The following SLC38A12 variants were observed in gnomAD, a reference collection of about 807,000 sequenced individuals.
SLC38A12 encodes the protein solute carrier family 38 member 12.
the SLC38A12 span, among the ~76,000 whole-genome samples, chr17:74,814,220 G>A: frequency 6.6e-6 from 1 of 152,156 alleles, no homozygotes; most frequent in African/African-American, 2.4e-5. Context: ...TGGAGATGCT[G>A]GTGATGGCGG....
the SLC38A12 span, among the ~76,000 whole-genome samples, chr17:74,803,283 C>A: frequency 6.6e-6 from 1 of 152,182 alleles, no homozygotes; most frequent in African/African-American, 2.4e-5. Context: ...CCCCAAAGCC[C>A]GGTTGATGTT....
the SLC38A12 span, chr17:74,836,862 T>TGCACC: frequency 7.1e-7 from 1 of 1,406,370 alleles, no homozygotes; most frequent in South Asian, 1.7e-5. This position sits in a 1 kb window ranked among gnomAD's most constrained non-coding sequence, Gnocchi z 4.2. Context: ...CCACCCAGTC[T>TGCACC]GCACCTGTCC....
At chr17:74,838,606 A>C in the SLC38A12 span, 1 of 1,311,600 alleles carries the variant, frequency 7.6e-7, no homozygotes, top group Non-Finnish European at 9.8e-7. Context: ...AGCAGTGACC[A>C]CATCGCTGAT....
the SLC38A12 span, among the ~76,000 whole-genome samples, chr17:74,792,729 C>T: frequency 2.5e-4 from 38 of 152,334 alleles, no homozygotes; most frequent in African/African-American, 8.2e-4. Context: ...TTAGGCAGGG[C>T]GATGTGATTA....
the SLC38A12 span, chr17:74,838,479 C>G: frequency 9.8e-7 from 1 of 1,019,486 alleles, no homozygotes; most frequent in South Asian, 4.1e-5. Context: ...GGCTCCAAAC[C>G]AAATCTTGGA....
chr17:74,836,433 T>C, the SLC38A12 span: 3 of 1,609,060 alleles, frequency 1.9e-6, no homozygotes, highest in Non-Finnish European at 2.5e-6. The surrounding 1 kb of genome is among the most constrained non-coding windows in gnomAD (Gnocchi z 4.2). Flanking sequence ...GCTGGTGGCC[T>C]TCTGCACCCA....
the SLC38A12 span, chr17:74,839,155 C>A: frequency 1.3e-6 from 2 of 1,511,052 alleles, no homozygotes; most frequent in Middle Eastern, 2.2e-4. Flanking sequence ...GAGGCTAGAG[C>A]AGCAGCTGCC....
At chr17:74,790,941 C>A in the SLC38A12 span, 1 of 1,613,830 alleles carries the variant, frequency 6.2e-7, no homozygotes, top group African/African-American at 1.3e-5. Flanking sequence ...CTTCCTTGTT[C>A]TTTTGGCTCT....
the SLC38A12 span, among the ~76,000 whole-genome samples, chr17:74,831,173 C>T: frequency 1.3e-5 from 2 of 152,222 alleles, no homozygotes; most frequent in South Asian, 2.1e-4. Flanking sequence ...CCTCCCGCGA[C>T]GGGGATCTCA....
chr17:74,798,076 G>T, the SLC38A12 span, among the ~76,000 whole-genome samples: 1 of 152,216 alleles, frequency 6.6e-6, no homozygotes, highest in South Asian at 2.1e-4. Context: ...CAGCGAGCAG[G>T]TCGGAGGAGA....
At chr17:74,783,411 C>T in the SLC38A12 span, among the ~76,000 whole-genome samples, 2 of 152,164 alleles carry the variant, frequency 1.3e-5, no homozygotes, top group Non-Finnish European at 2.9e-5. Context: ...AGGCGGGAGG[C>T]AGGACAACTT....
chr17:74,798,419 C>T, the SLC38A12 span, among the ~76,000 whole-genome samples: 1 of 152,236 alleles, frequency 6.6e-6, no homozygotes, highest in Non-Finnish European at 1.5e-5. Context: ...ACCAGCAGCT[C>T]CCAGTGGCCT....
At chr17:74,794,780 C>T in the SLC38A12 span, among the ~76,000 whole-genome samples, 59 of 152,222 alleles carry the variant, frequency 3.9e-4, no homozygotes, top group African/African-American at 1.3e-3. Flanking sequence ...TCGTTGAGTC[C>T]TCTCAGGTGA....
At chr17:74,807,882 C>T in the SLC38A12 span, among the ~76,000 whole-genome samples, 1 of 152,232 alleles carries the variant, frequency 6.6e-6, no homozygotes, top group Non-Finnish European at 1.5e-5. Context: ...AGGTCAAGGT[C>T]AGAACCCATG....
chr17:74,780,309 G>A, the SLC38A12 span, among the ~76,000 whole-genome samples: 1 of 152,238 alleles, frequency 6.6e-6, no homozygotes, highest in African/African-American at 2.4e-5. Flanking sequence ...AGGCTGCTGG[G>A]TGGAGACGAG....
chr17:74,823,773 T>A, the SLC38A12 span, among the ~76,000 whole-genome samples: 1 of 152,330 alleles, frequency 6.6e-6, no homozygotes, highest in East Asian at 1.9e-4. Context: ...CGGTGGCTGC[T>A]CTGTGCCAGG....
At chr17:74,793,028 C>T in the SLC38A12 span, among the ~76,000 whole-genome samples, 1 of 152,218 alleles carries the variant, frequency 6.6e-6, no homozygotes, top group Non-Finnish European at 1.5e-5. Flanking sequence ...TGCAGTCTGC[C>T]CTGATTTCTT....
the SLC38A12 span, among the ~76,000 whole-genome samples, chr17:74,814,604 ACT>A: frequency 3.3e-3 from 496 of 152,192 alleles, 3 homozygotes; most frequent in African/African-American, 0.011. Context: ...AGAGCAGGTG[ACT>A]CTTGCCCACA....
the SLC38A12 span, chr17:74,836,463 G>A: frequency 6.2e-7 from 1 of 1,608,558 alleles, no homozygotes; most frequent in Middle Eastern, 1.7e-4. The surrounding 1 kb of genome is among the most constrained non-coding windows in gnomAD (Gnocchi z 4.2). Context: ...GTCCCTGGTG[G>A]GCATCACAGG....
Sources: gnomAD v4.1 joint callset for allele counts (sites outside exome capture counted in the v4.1 genomes callset) on GRCh38, gnomAD v4.1.1 for gene constraint, Gnocchi (gnomAD v3.1) non-coding constraint, MANE v1.5 for transcripts, NCBI Gene and HGNC (gene_info 2026-07-23, HGNC 2026-07-21) for gene names.